The following DDR2 variants were observed in gnomAD, a reference collection of about 807,000 sequenced individuals.
DDR2 encodes the protein discoidin domain receptor tyrosine kinase 2.
Under a neutral mutation model 94.9 loss-of-function variants are expected in DDR2, and 27 were observed. That is an observed-to-expected ratio of 0.28 (90% CI 0.21 to 0.39). The LOEUF (loss-of-function observed/expected upper bound fraction) is 0.39, where lower values mean the gene tolerates loss of function less well. Ranked by LOEUF, DDR2 falls within the 10% of genes least tolerant of loss-of-function variation. DDR2 has a pLI of 1.00. For missense variants in DDR2, 783 were observed against 1,076.0 expected (o/e 0.73, Z 3.81); for synonymous variants, 382 against 377.2 (o/e 1.01, Z -0.15).
At chr1:162,688,276 T>A (rs1659789016) in intron 2 of DDR2, among the ~76,000 whole-genome samples, 1 of 152,246 alleles carries the variant, frequency 6.6e-6, no homozygotes, top group Non-Finnish European at 1.5e-5. Flanking sequence ...TTTGCACAGA[T>A]ATCTGTACCA....
At chr1:162,673,999 C>T (rs1659010962) in intron 2 of DDR2, among the ~76,000 whole-genome samples, 2 of 152,018 alleles carry the variant, frequency 1.3e-5, no homozygotes, top group Non-Finnish European at 2.9e-5. Context: ...ATGCTTTTGT[C>T]CCTCCAATTT....
chr1:162,771,765 C>G (rs889911640), intron 12 of DDR2, among the ~76,000 whole-genome samples: 2 of 152,196 alleles, frequency 1.3e-5, no homozygotes, highest in Non-Finnish European at 2.9e-5. Context: ...CTTCACCACA[C>G]AATTCCACAA....
intron 2 of DDR2, among the ~76,000 whole-genome samples, chr1:162,669,013 C>T (rs1169765648): frequency 6.6e-6 from 1 of 152,110 alleles, no homozygotes; most frequent in Non-Finnish European, 1.5e-5. Context: ...GATTTAAATA[C>T]CTAAGAAAAT....
intron 3 of DDR2, among the ~76,000 whole-genome samples, chr1:162,731,831 G>T (rs1490352436): frequency 6.6e-6 from 1 of 152,236 alleles, no homozygotes; most frequent in African/African-American, 2.4e-5. Flanking sequence ...GTAACTGGTA[G>T]TGGGGTCCCA....
At chr1:162,666,520 A>G (rs550131183) in intron 2 of DDR2, among the ~76,000 whole-genome samples, 4 of 152,272 alleles carry the variant, frequency 2.6e-5, no homozygotes, top group African/African-American at 9.6e-5. Context: ...TGTAATCTTG[A>G]GTAAACCCCT....
chr1:162,759,977 A>G lies in DDR2; in HGVS notation c.853A>G (p.Lys285Glu), dbSNP rs768384575. 1 of 1,614,078 alleles carries G rather than the reference A, an allele frequency of 6.2e-7. No homozygotes were observed. The highest frequency in any genetic ancestry group is 1.1e-5 in the South Asian group (1 of 91,082). ...CCGCATCAGGAATTTCACTACCATG[A>G]AGGTCAGTGGGGTCGGGTGTGGTGG... ...FDRIRNFTTM[K>E]VHCNNMFAKG... Residue 285 changes from lysine (K) to glutamate (E), a missense_variant and splice_region_variant, in exon 8 of 18, where the codon AAG becomes GAG. By Grantham distance (56) the Lys-to-Glu change is moderately conservative. This residue lies in a region of DDR2 where 519 missense variants were observed against 647.9 expected (regional missense o/e 0.80). Transcript: ENST00000367921.
chr1:162,767,497 A>T, intron 11 of DDR2, 138 bp downstream of exon 11: 1 of 1,313,752 alleles, frequency 7.6e-7, no homozygotes, highest in Non-Finnish European at 1.1e-6. Context: ...AAACATAGGA[A>T]TGAAGCCAGA....
chr1:162,653,501 C>T (rs1013413728), intron 1 of DDR2, among the ~76,000 whole-genome samples: 5 of 151,898 alleles, frequency 3.3e-5, no homozygotes, highest in South Asian at 2.1e-4. Flanking sequence ...CGCTTGAACC[C>T]GAGAGGCGGA....
At chr1:162,771,339 A>T (rs946270655) in intron 12 of DDR2, among the ~76,000 whole-genome samples, 1 of 152,078 alleles carries the variant, frequency 6.6e-6, no homozygotes, top group African/African-American at 2.4e-5. Flanking sequence ...AGCAGACAGG[A>T]CTAAATTCAA....
chr1:162,769,847 A>G (rs1664179225), intron 11 of DDR2, among the ~76,000 whole-genome samples: 1 of 152,226 alleles, frequency 6.6e-6, no homozygotes, highest in South Asian at 2.1e-4. Flanking sequence ...TAGGGTATCA[A>G]AATGATCAAG....
intron 3 of DDR2, among the ~76,000 whole-genome samples, chr1:162,719,603 T>C (rs1334439195): frequency 2.6e-5 from 4 of 152,184 alleles, no homozygotes; most frequent in Non-Finnish European, 5.9e-5. Flanking sequence ...CTCTTTCCTC[T>C]AGGATGTGGC....
intron 2 of DDR2, among the ~76,000 whole-genome samples, chr1:162,707,091 G>T (rs998280293): frequency 6.6e-6 from 1 of 152,134 alleles, no homozygotes; most frequent in African/African-American, 2.4e-5. Context: ...TGGGATTCAG[G>T]CAGGAACTCC....
chr1:162,701,114 G>A (rs1372090887), intron 2 of DDR2, among the ~76,000 whole-genome samples: 1 of 150,488 alleles, frequency 6.6e-6, no homozygotes, highest in African/African-American at 2.4e-5. Context: ...ATATATGTTT[G>A]TAGGTTAAAA....
At chr1:162,771,476 A>T (rs1456507487) in intron 12 of DDR2, among the ~76,000 whole-genome samples, 7 of 152,238 alleles carry the variant, frequency 4.6e-5, no homozygotes. Context: ...GTAATTTCAC[A>T]GAGACAGCAA....
At chr1:162,659,288 C>G (rs1305445658) in intron 2 of DDR2, among the ~76,000 whole-genome samples, 1 of 152,142 alleles carries the variant, frequency 6.6e-6, no homozygotes, top group Non-Finnish European at 1.5e-5. Flanking sequence ...CTGGGATGTT[C>G]AAGGAACACA....
chr1:162,778,473 C>A (rs567701302), intron 16 of DDR2, 107 bp from the exon 17 acceptor site: 84 of 1,381,100 alleles, frequency 6.1e-5, no homozygotes, highest in Admixed American at 6.0e-4. Flanking sequence ...TTTCAGAATT[C>A]CTTGCCTGTG....
chr1:162,705,721 G>T, intron 2 of DDR2, among the ~76,000 whole-genome samples: 1 of 152,180 alleles, frequency 6.6e-6, no homozygotes, highest in East Asian at 1.9e-4. Flanking sequence ...GGTGATGAGT[G>T]GCAGATCTGG....
Position 162,713,656 on chromosome 1 carries a change from G to A in DDR2, c.-27-5381G>A, listed in dbSNP as rs193064696. Among the ~76,000 whole-genome samples the A allele has an allele frequency of 7.9e-5, 12 of 152,218 alleles. No individual in the cohort carries two copies. In the East Asian group the frequency reaches 1.2e-3, roughly 15 times the overall value. ...TAAAAACATGTCATAGACTTCAACC[G>A]TTGTAACTGTGAGTAGCTCTAATGC... On this transcript the variant is annotated intron_variant, in intron 2 of 17. Coordinates refer to ENST00000367921, the MANE Select transcript of DDR2 (RefSeq NM_006182.4).
intron 12 of DDR2, 44 bp from the exon 13 acceptor site, chr1:162,771,980 A>G: frequency 6.4e-7 from 1 of 1,554,854 alleles, no homozygotes; most frequent in Non-Finnish European, 8.7e-7. Flanking sequence ...GAGATCTCCA[A>G]AGACACTCCA....
Sources: allele counts gnomAD v4.1 joint callset (sites outside exome capture counted in the v4.1 genomes callset), GRCh38; gene constraint gnomAD v4.1.1; regional missense constraint gnomAD v4.1.1; transcripts MANE v1.5; gene names NCBI Gene and HGNC (gene_info 2026-07-23, HGNC 2026-07-21).